The following SGCZ variants were observed in gnomAD, a reference collection of about 807,000 sequenced individuals.
SGCZ encodes the protein zeta-sarcoglycan.
A neutral mutation model predicts 41.3 loss-of-function variants in SGCZ; 40 were observed. The observed-to-expected ratio is 0.97, with a 90% confidence interval of 0.75 to 1.26. SGCZ has a LOEUF of 1.26. Ranked by LOEUF, SGCZ falls within the 50% of genes most tolerant of loss-of-function variation. The probability of loss-of-function intolerance (pLI) is 0.00; values close to 1 mark genes in which losing one functional copy is unlikely to be tolerated. For synonymous variants in SGCZ, 206 were observed against 137.5 expected, an observed-to-expected ratio of 1.50 and a Z score of -3.49; for missense variants, 552 against 369.8, an observed-to-expected ratio of 1.49 and a Z score of -4.04.
At chr8:15,129,201 G>C (rs2034759) in intron 1 of SGCZ, among the ~76,000 whole-genome samples, 100,469 of 151,494 alleles carry the variant, frequency 0.66, 35,194 homozygotes, top group Non-Finnish European at 0.78. Context: ...TGACTTTTTC[G>C]TATTGCCGGG....
intron 4 of SGCZ, among the ~76,000 whole-genome samples, chr8:14,209,885 C>T (rs1191650758): frequency 6.7e-6 from 1 of 149,594 alleles, no homozygotes; most frequent in African/African-American, 2.5e-5. Flanking sequence ...ATATAATTAG[C>T]TCATTTTATC....
At chr8:14,201,092 T>A (rs1320517531) in intron 4 of SGCZ, among the ~76,000 whole-genome samples, 1 of 152,140 alleles carries the variant, frequency 6.6e-6, no homozygotes, top group East Asian at 1.9e-4. Context: ...TAAATACACA[T>A]TGGACAAAAA....
chr8:14,592,252 T>C (rs1805264547), intron 1 of SGCZ, among the ~76,000 whole-genome samples: 1 of 152,148 alleles, frequency 6.6e-6, no homozygotes, highest in South Asian at 2.1e-4. Context: ...TATAAATATT[T>C]GATGTCTCTC....
intron 1 of SGCZ, among the ~76,000 whole-genome samples, chr8:15,147,512 A>C (rs549264340): frequency 4.5e-4 from 68 of 152,314 alleles, no homozygotes; most frequent in African/African-American, 1.6e-3. Context: ...TCCTGACCTC[A>C]GGTGATCCAC....
chr8:14,277,026 T>C (rs1456158360), intron 3 of SGCZ, among the ~76,000 whole-genome samples: 2 of 152,206 alleles, frequency 1.3e-5, no homozygotes, highest in Non-Finnish European at 2.9e-5. Flanking sequence ...TCATTTTCAA[T>C]AAATCTCTTC....
At chr8:14,246,150 A>G (rs1394955925) in intron 3 of SGCZ, among the ~76,000 whole-genome samples, 2 of 152,230 alleles carry the variant, frequency 1.3e-5, no homozygotes, top group Admixed American at 6.5e-5. Flanking sequence ...ATGCACATGT[A>G]TGTTTATTGC....
chr8:15,118,648 T>C (rs1807362049), intron 1 of SGCZ, among the ~76,000 whole-genome samples: 1 of 152,080 alleles, frequency 6.6e-6, no homozygotes, highest in African/African-American at 2.4e-5. Context: ...CAATCAAAAA[T>C]AAGGTTGAGA....
At chr8:15,029,959 T>C (rs1803598855) in intron 1 of SGCZ, among the ~76,000 whole-genome samples, 1 of 152,156 alleles carries the variant, frequency 6.6e-6, no homozygotes, top group African/African-American at 2.4e-5. Context: ...CACTGTGCCA[T>C]ACACTTAATT....
At chr8:15,039,245 T>G (rs1197118792) in intron 1 of SGCZ, among the ~76,000 whole-genome samples, 1 of 152,110 alleles carries the variant, frequency 6.6e-6, no homozygotes, top group Non-Finnish European at 1.5e-5. Context: ...AATTGATGGA[T>G]GGATGAATAA....
intron 1 of SGCZ, among the ~76,000 whole-genome samples, chr8:14,842,947 T>C (rs1431809197): frequency 6.6e-6 from 1 of 152,176 alleles, no homozygotes; most frequent in Non-Finnish European, 1.5e-5. Flanking sequence ...GCACGGTGGC[T>C]CATGCCTGTA....
intron 6 of SGCZ, among the ~76,000 whole-genome samples, chr8:14,106,357 A>C (rs769032754): frequency 7.9e-5 from 12 of 152,240 alleles, no homozygotes; most frequent in Admixed American, 6.5e-5. Context: ...TGCTGTTTAC[A>C]CACACTCCTC....
chr8:14,345,499 T>C (rs1026531844), intron 2 of SGCZ, among the ~76,000 whole-genome samples: 1 of 152,136 alleles, frequency 6.6e-6, no homozygotes, highest in African/African-American at 2.4e-5. Flanking sequence ...GAGAAAAGTA[T>C]AACACAACAA....
intron 1 of SGCZ, among the ~76,000 whole-genome samples, chr8:14,698,852 A>G (rs1010777449): frequency 1.3e-5 from 2 of 151,966 alleles, no homozygotes; most frequent in African/African-American, 4.8e-5. Flanking sequence ...TAGTGTGAAC[A>G]CATGTCTCCT....
At chr8:14,378,667 G>A (rs1451068710) in intron 2 of SGCZ, among the ~76,000 whole-genome samples, 2 of 152,308 alleles carry the variant, frequency 1.3e-5, no homozygotes, top group South Asian at 2.1e-4. Context: ...AGTATAGGTA[G>A]CCTAGGATTT....
chr8:14,093,958 G>A (rs755457794), intron 7 of SGCZ, among the ~76,000 whole-genome samples: 21 of 151,724 alleles, frequency 1.4e-4, no homozygotes, highest in Non-Finnish European at 2.6e-4. Flanking sequence ...CCTGTCTTTG[G>A]TTCATCCATA....
chr8:15,076,310 T>C (rs971841581), intron 1 of SGCZ, among the ~76,000 whole-genome samples: 4 of 152,040 alleles, frequency 2.6e-5, no homozygotes, highest in African/African-American at 9.7e-5. Flanking sequence ...AGAGGTGATA[T>C]GGGTAAACAC....
intron 1 of SGCZ, among the ~76,000 whole-genome samples, chr8:14,931,210 T>C (rs567444235): frequency 5.3e-5 from 8 of 152,120 alleles, no homozygotes; most frequent in Admixed American, 5.2e-4. Context: ...AATCTGCACT[T>C]ACCATTTAAT....
intron 2 of SGCZ, among the ~76,000 whole-genome samples, chr8:14,513,887 C>T (rs1049063189): frequency 1.3e-5 from 2 of 151,884 alleles, no homozygotes; most frequent in Non-Finnish European, 2.9e-5. Context: ...TTTTGGGGGA[C>T]AATGTGAACT....
rs540896844 is a variant in SGCZ at position 14,562,841 on chromosome 8, G to A, written c.40-7915C>T. Reference sequence around the variant, plus strand: ...AAACAAATGAGGAAAATGAATGTGAGATCAATAATTGAAGTGACGAAGCTG... The same window carrying A: ...AAACAAATGAGGAAAATGAATGTGAAATCAATAATTGAAGTGACGAAGCTG... On this transcript the variant is annotated intron_variant, in intron 1 of 7. Transcript: ENST00000382080. Among the ~76,000 whole-genome samples the A allele has an allele frequency of 1.9e-4, 29 of 152,212 alleles. 2 individuals carry two copies. In the South Asian group the frequency reaches 6.0e-3, roughly 32 times the overall value.
Sources: allele counts gnomAD v4.1 joint callset (sites outside exome capture counted in the v4.1 genomes callset), GRCh38; gene constraint gnomAD v4.1.1; transcripts MANE v1.5; gene names NCBI Gene and HGNC (gene_info 2026-07-23, HGNC 2026-07-21).